Variants in GRM8 observed in about 807,000 individuals in gnomAD.
GRM8 encodes the protein metabotropic glutamate receptor 8.
Under a neutral mutation model 87.2 loss-of-function variants are expected in GRM8, and 47 were observed. The ratio of observed to expected loss-of-function variants is 0.54; its 90% CI spans 0.43 to 0.69. GRM8 has a LOEUF of 0.69. Ranked by LOEUF, GRM8 falls within the 30% of genes least tolerant of loss-of-function variation. GRM8 has a pLI of 0.00. For missense variants in GRM8, 1,019 were observed against 1,139.2 expected, an observed-to-expected ratio of 0.89 and a Z score of 1.52; for synonymous variants, 396 against 404.5, an observed-to-expected ratio of 0.98 and a Z score of 0.25.
At chr7:126,962,986 C>T (rs1809471705) in intron 3 of GRM8, among the ~76,000 whole-genome samples, 1 of 152,156 alleles carries the variant, frequency 6.6e-6, no homozygotes, top group South Asian at 2.1e-4. Context: ...TGTCTCTGTC[C>T]AACTTTGTAA....
intron 2 of GRM8, among the ~76,000 whole-genome samples, chr7:127,139,286 G>A (rs1026564913): frequency 6.6e-6 from 1 of 152,056 alleles, no homozygotes; most frequent in Admixed American, 6.6e-5. Context: ...TACCTATTGA[G>A]GGCCTCATGT....
chr7:126,459,248 G>T (rs1040335370), intron 9 of GRM8, among the ~76,000 whole-genome samples: 9 of 151,472 alleles, frequency 5.9e-5, no homozygotes, highest in South Asian at 2.1e-4. Flanking sequence ...ATGCAAGATT[G>T]CCCAGGAAAT....
intron 3 of GRM8, among the ~76,000 whole-genome samples, chr7:127,073,389 A>G (rs965758146): frequency 5.3e-5 from 8 of 152,298 alleles, no homozygotes; most frequent in Non-Finnish European, 1.0e-4. Flanking sequence ...ATGATCCTTC[A>G]GGATGCTTAT....
intron 7 of GRM8, among the ~76,000 whole-genome samples, chr7:126,735,703 C>T (rs1359364376): frequency 6.6e-6 from 1 of 151,958 alleles, no homozygotes; most frequent in African/African-American, 2.4e-5. Context: ...ACTCTGTCCT[C>T]GCAGTAGACT....
At chr7:126,892,285 C>T (rs1195309328) in intron 6 of GRM8, among the ~76,000 whole-genome samples, 3 of 151,858 alleles carry the variant, frequency 2.0e-5, no homozygotes, top group South Asian at 2.1e-4. Flanking sequence ...TAATGCTATC[C>T]CTCCCCAAAC....
chr7:126,509,057 T>A (rs1306373777), intron 9 of GRM8, among the ~76,000 whole-genome samples: 2 of 152,112 alleles, frequency 1.3e-5, no homozygotes, highest in African/African-American at 4.8e-5. Context: ...TAATTGCTAC[T>A]GTTTCCTAAT....
intron 3 of GRM8, among the ~76,000 whole-genome samples, chr7:126,958,740 A>AC (rs1809009392): frequency 6.6e-6 from 1 of 152,242 alleles, no homozygotes; most frequent in African/African-American, 2.4e-5. Flanking sequence ...GCAAAGTGAC[A>AC]CCCCAAGGAT....
intron 6 of GRM8, among the ~76,000 whole-genome samples, chr7:126,813,648 G>A (rs1004088390): frequency 1.3e-5 from 2 of 152,008 alleles, no homozygotes; most frequent in African/African-American, 4.8e-5. Context: ...AAACTATAAA[G>A]GTGGATGTGA....
chr7:127,073,948 C>T (rs759513748), intron 3 of GRM8, among the ~76,000 whole-genome samples: 1 of 152,136 alleles, frequency 6.6e-6, no homozygotes, highest in African/African-American at 2.4e-5. Context: ...AAGACTGAAA[C>T]ATTAATCAAA....
Position 127,137,220 on chromosome 7 carries a change from T to TAC in GRM8, c.511-30510_511-30509dup, listed in dbSNP as rs145265792. Among the ~76,000 whole-genome samples, 335 of 149,876 alleles carry TAC rather than the reference T, an allele frequency of 2.2e-3. 1 individual carries two copies. Among genetic ancestry groups the TAC allele is most frequent in the Middle Eastern group, 7.0e-3 (2 of 286 alleles). ...ACATACACATGCATAAACATACACATACACACACACACACACACATTCCAT... is the reference window on the plus strand; with the variant it reads ...ACATACACATGCATAAACATACACATACACACACACACACACACACATTCCAT... On this transcript the variant is annotated intron_variant, in intron 2 of 10. Transcript: ENST00000339582.
At chr7:126,473,430 G>C (rs1025275586) in intron 9 of GRM8, among the ~76,000 whole-genome samples, 2 of 152,098 alleles carry the variant, frequency 1.3e-5, no homozygotes, top group African/African-American at 4.8e-5. Context: ...TCATTTTGGC[G>C]AATTTCTCCC....
At chr7:126,793,796 T>A (rs925694623) in intron 6 of GRM8, among the ~76,000 whole-genome samples, 6 of 152,334 alleles carry the variant, frequency 3.9e-5, no homozygotes, top group South Asian at 2.1e-4. Flanking sequence ...ATATCCTAAG[T>A]TATTTCCATA....
At chr7:126,975,018 T>A (rs988916845) in intron 3 of GRM8, among the ~76,000 whole-genome samples, 9 of 146,490 alleles carry the variant, frequency 6.1e-5, no homozygotes, top group Non-Finnish European at 1.3e-4. Flanking sequence ...AAAGTTCAGA[T>A]GCCTCAAAGC....
intron 8 of GRM8, among the ~76,000 whole-genome samples, chr7:126,577,215 C>T (rs898243919): frequency 6.6e-6 from 1 of 152,174 alleles, no homozygotes; most frequent in Non-Finnish European, 1.5e-5. Context: ...GCCACATCTC[C>T]TTCCTCCATC....
chr7:126,765,340 G>A (rs73226995), intron 7 of GRM8, among the ~76,000 whole-genome samples: 6,995 of 151,938 alleles, frequency 0.046, 176 homozygotes, highest in African/African-American at 0.074. Context: ...CCCGCTATGC[G>A]GTTTCCTGAT....
chr7:126,438,886 G>T lies in GRM8; in HGVS notation c.*233C>A. ...TTTGTGATTTGTTTTAACTGCTCAT[G>T]AATAAGCAATACTTTAGCTTGACAC... On this transcript the variant is annotated 3_prime_UTR_variant, in exon 11 of 11. Transcript: ENST00000339582. The T allele has an allele frequency of 2.4e-6, 1 of 421,246 alleles. No individual in the cohort carries two copies. The allele number at this position is 421,246 out of a possible 1,614,324, so 26.1% of individuals were successfully genotyped here. A position where few individuals can be genotyped will look rare whatever the true frequency, so the allele number is the denominator to read the frequency against.
At chr7:126,699,148 C>T (rs1809671668) in intron 7 of GRM8, among the ~76,000 whole-genome samples, 2 of 152,150 alleles carry the variant, frequency 1.3e-5, no homozygotes, top group African/African-American at 4.8e-5. Flanking sequence ...ATCACTTAAC[C>T]TCCCAGTGAA....
At chr7:126,688,739 GACACACAC>G (rs3831573) in intron 7 of GRM8, among the ~76,000 whole-genome samples, 10 of 145,720 alleles carry the variant, frequency 6.9e-5, no homozygotes, top group East Asian at 2.0e-4. Context: ...CTCTCTTTCT[GACACACAC>G]ACACACACAC....
At chr7:126,902,760 C>T (rs1802227956) in intron 5 of GRM8, 81 bp from the exon 6 acceptor site, 10 of 960,036 alleles carry the variant, frequency 1.0e-5, no homozygotes, top group Non-Finnish European at 1.5e-5. Context: ...ACATTATATT[C>T]TGATCACTGC....
Sources: allele counts gnomAD v4.1 joint callset (sites outside exome capture counted in the v4.1 genomes callset), GRCh38; gene constraint gnomAD v4.1.1; transcripts MANE v1.5; gene names NCBI Gene and HGNC (gene_info 2026-07-23, HGNC 2026-07-21).